The following SHANK2 variants were observed in gnomAD, a reference collection of about 807,000 sequenced individuals.
SHANK2 encodes SH3 and multiple ankyrin repeat domains 2.
In SHANK2, 43 loss-of-function variants were observed where a neutral mutation model predicts 133.7. That is an observed-to-expected ratio of 0.32 (90% CI 0.25 to 0.41). The LOEUF is 0.41. Among genes scored for constraint, SHANK2 ranks in the 10% least tolerant of loss-of-function variants. The pLI is 1.00. For missense variants in SHANK2, 1,994 were observed against 2,235.8 expected, an observed-to-expected ratio of 0.89 and a Z score of 2.18; for synonymous variants, 1,017 against 952.8, an observed-to-expected ratio of 1.07 and a Z score of -1.24.
chr11:71,239,671 G>T (rs1313252105), intron 1 of SHANK2, among the ~76,000 whole-genome samples: 1 of 151,938 alleles, frequency 6.6e-6, no homozygotes, highest in Non-Finnish European at 1.5e-5. Flanking sequence ...ACAGGGTTTT[G>T]CTGTATTGCC....
chr11:70,577,033 G>A (rs782741171), intron 17 of SHANK2, among the ~76,000 whole-genome samples: 7 of 152,266 alleles, frequency 4.6e-5, no homozygotes, highest in East Asian at 1.9e-4. Flanking sequence ...CACCTGCCAC[G>A]GAGGCCACGC....
chr11:70,762,658 G>C (rs76135051), intron 14 of SHANK2, among the ~76,000 whole-genome samples: 1,719 of 152,302 alleles, frequency 0.011, 27 homozygotes, highest in African/African-American at 0.04. Flanking sequence ...AAGCAGTGGA[G>C]GTCATAGCTC....
At chr11:70,813,884 G>A (rs3017490) in intron 12 of SHANK2, among the ~76,000 whole-genome samples, 3,498 of 152,202 alleles carry the variant, frequency 0.023, 133 homozygotes, top group African/African-American at 0.079. Flanking sequence ...TTCTGGTGAC[G>A]GCATCTCTGA....
At chr11:70,774,172 A>G (rs1947312886) in intron 14 of SHANK2, among the ~76,000 whole-genome samples, 1 of 152,232 alleles carries the variant, frequency 6.6e-6, no homozygotes, top group Admixed American at 6.5e-5. Context: ...GGAGAATCTC[A>G]AAAACACTGT....
chr11:70,736,883 C>T (rs1555033692), intron 14 of SHANK2, among the ~76,000 whole-genome samples: 1 of 152,176 alleles, frequency 6.6e-6, no homozygotes, highest in Admixed American at 6.5e-5. Flanking sequence ...AAGATGTGGT[C>T]AGGGCCAGGG....
intron 2 of SHANK2, among the ~76,000 whole-genome samples, chr11:71,184,009 C>T (rs1390095904): frequency 3.9e-5 from 6 of 152,124 alleles, no homozygotes; most frequent in African/African-American, 1.4e-4. Context: ...CCAAGAAGGA[C>T]GCTCCTGACT....
Position 70,572,321 on chromosome 11 carries a change from G to C in SHANK2, c.2062-69390C>G, listed in dbSNP as rs184706038. ...ATTACAGGTCCCCACCACCATACCC[G>C]GCTAATTTTTGCATTTTTAGTAGAG... On this transcript the variant is annotated intron_variant, in intron 17 of 25. Transcript: ENST00000601538. Among the ~76,000 whole-genome samples, 8 of 152,254 alleles carry C rather than the reference G, an allele frequency of 5.3e-5. No homozygotes were observed. In the South Asian group the frequency reaches 1.7e-3, roughly 32 times the overall value.
At chr11:70,766,124 G>C (rs982053229) in intron 14 of SHANK2, among the ~76,000 whole-genome samples, 2 of 152,218 alleles carry the variant, frequency 1.3e-5, no homozygotes, top group African/African-American at 4.8e-5. Flanking sequence ...CCTTAAAAGA[G>C]GGAATGTTTT....
intron 17 of SHANK2, among the ~76,000 whole-genome samples, chr11:70,550,785 G>A (rs539564013): frequency 5.9e-5 from 9 of 152,326 alleles, no homozygotes; most frequent in African/African-American, 2.2e-4. Flanking sequence ...GGCAGTCAGC[G>A]GGTGAATCTC....
intron 10 of SHANK2, among the ~76,000 whole-genome samples, chr11:70,916,237 C>T (rs1433799914): frequency 6.6e-6 from 1 of 152,150 alleles, no homozygotes; most frequent in Non-Finnish European, 1.5e-5. Context: ...TCAGATAAGT[C>T]GAGCCCCATG....
At chr11:70,494,703 G>A (rs549500050) in intron 21 of SHANK2, among the ~76,000 whole-genome samples, 2 of 152,324 alleles carry the variant, frequency 1.3e-5, no homozygotes, top group Non-Finnish European at 2.9e-5. Flanking sequence ...CCTTCAGGGA[G>A]GTGTTTGCCG....
At chr11:71,189,108 G>C (rs1055926026) in intron 2 of SHANK2, among the ~76,000 whole-genome samples, 11 of 152,148 alleles carry the variant, frequency 7.2e-5, no homozygotes, top group African/African-American at 2.7e-4. Context: ...TGCCATTCTC[G>C]GCTGAAATCC....
At position 70,747,374 on chromosome 11, in the gene SHANK2, G is replaced by A. The variant is rs1248387568; in HGVS notation, c.1778-48611C>T. 2.0e-5 allele frequency among the ~76,000 whole-genome samples: 3 copies of A among 152,296 alleles called. No individual in the cohort carries two copies. The East Asian group carries it at 5.8e-4, about 29-fold the overall frequency. ...CTGGCTACCCGGAGAACACAGTCCTGTTTTCTGCTGGTGGAAAAGTCTTTT... is the reference window on the plus strand; with the variant it reads ...CTGGCTACCCGGAGAACACAGTCCTATTTTCTGCTGGTGGAAAAGTCTTTT... On this transcript the variant is annotated intron_variant, in intron 14 of 25. Coordinates refer to ENST00000601538, the MANE Select transcript of SHANK2 (RefSeq NM_012309.5).
intron 6 of SHANK2, among the ~76,000 whole-genome samples, chr11:71,096,350 T>A (rs117001019): frequency 1.3e-5 from 2 of 152,174 alleles, no homozygotes; most frequent in Non-Finnish European, 2.9e-5. Flanking sequence ...TTGAGACCAG[T>A]TGGAACATGG....
chr11:70,657,887 C>T (rs1306536449), intron 17 of SHANK2, among the ~76,000 whole-genome samples: 1 of 152,182 alleles, frequency 6.6e-6, no homozygotes, highest in African/African-American at 2.4e-5. Flanking sequence ...ACCTTCTCAG[C>T]CCCACCCAGG....
At chr11:70,955,328 C>A (rs1950902619) in intron 10 of SHANK2, among the ~76,000 whole-genome samples, 1 of 151,878 alleles carries the variant, frequency 6.6e-6, no homozygotes, top group Admixed American at 6.6e-5. Flanking sequence ...AGTGGAAGTC[C>A]CTTTCAGAAT....
intron 10 of SHANK2, among the ~76,000 whole-genome samples, chr11:70,946,284 A>C (rs367795440): frequency 2.5e-3 from 136 of 53,992 alleles, no homozygotes; most frequent in African/African-American, 3.0e-3. Flanking sequence ...TCTCCACTAA[A>C]CAACGCTTCC....
At chr11:70,554,067 C>T (rs2059801049) in intron 17 of SHANK2, among the ~76,000 whole-genome samples, 1 of 152,228 alleles carries the variant, frequency 6.6e-6, no homozygotes. Flanking sequence ...GACAACCTTG[C>T]TTTGCCTTCT....
intron 17 of SHANK2, among the ~76,000 whole-genome samples, chr11:70,513,330 T>C (rs1554969556): frequency 6.6e-6 from 1 of 152,170 alleles, no homozygotes; most frequent in Non-Finnish European, 1.5e-5. Flanking sequence ...CATAGGTCTT[T>C]GGTTGATGTC....
Sources: gnomAD v4.1 joint callset for allele counts (sites outside exome capture counted in the v4.1 genomes callset) on GRCh38, gnomAD v4.1.1 for gene constraint, MANE v1.5 for transcripts, NCBI Gene and HGNC (gene_info 2026-07-23, HGNC 2026-07-21) for gene names.